SRPK2: variants seen among roughly 807,000 people sequenced by gnomAD.
SRPK2 encodes SFRS protein kinase 2.
Under a neutral mutation model 90.8 loss-of-function variants are expected in SRPK2, and 21 were observed. The observed-to-expected ratio is 0.23, with a 90% CI of 0.16 to 0.33. The LOEUF (loss-of-function observed/expected upper bound fraction) is 0.33. Ranked by LOEUF, SRPK2 falls within the 10% of genes least tolerant of loss-of-function variation. The pLI, the probability that SRPK2 is intolerant of heterozygous loss-of-function variation, is 1.00. For missense variants in SRPK2, 620 were observed against 869.0 expected (o/e 0.71, Z 3.60); for synonymous variants, 288 against 311.1 (o/e 0.93, Z 0.78).
At chr7:105,338,731 T>A (rs1034161341) in intron 2 of SRPK2, among the ~76,000 whole-genome samples, 16 of 152,252 alleles carry the variant, frequency 1.1e-4, no homozygotes, top group Admixed American at 1.0e-3. Flanking sequence ...AATAGGATGA[T>A]TTTCATTGTA....
intron 3 of SRPK2, among the ~76,000 whole-genome samples, chr7:105,187,757 T>A (rs1464375671): frequency 3.9e-5 from 6 of 152,132 alleles, no homozygotes; most frequent in Non-Finnish European, 8.8e-5. Context: ...AGTCTCATGG[T>A]GAATATGCGT....
intron 2 of SRPK2, among the ~76,000 whole-genome samples, chr7:105,291,676 G>C (rs1029351424): frequency 8.5e-5 from 13 of 152,170 alleles, no homozygotes; most frequent in Non-Finnish European, 1.6e-4. Flanking sequence ...GCTGCACTGA[G>C]CCAAGATGGC....
intron 13 of SRPK2, among the ~76,000 whole-genome samples, chr7:105,127,723 A>AAAC (rs71519198): frequency 2.9e-5 from 1 of 34,396 alleles, no homozygotes; most frequent in African/African-American, 8.7e-5. Context: ...CATGTAGGGA[A>AAAC]CACATTTCCC....
intron 2 of SRPK2, among the ~76,000 whole-genome samples, chr7:105,232,951 C>T (rs1039098502): frequency 2.6e-5 from 4 of 151,320 alleles, no homozygotes; most frequent in South Asian, 2.1e-4. Context: ...ACTTGGGAGG[C>T]GGAGGTTGTG....
chr7:105,299,133 C>T (rs551976168), intron 2 of SRPK2, among the ~76,000 whole-genome samples: 1 of 152,318 alleles, frequency 6.6e-6, no homozygotes, highest in East Asian at 1.9e-4. Context: ...TGAGAATGAG[C>T]CTCTGTTTCT....
chr7:105,260,771 A>G (rs566016482), intron 2 of SRPK2, among the ~76,000 whole-genome samples: 12 of 152,094 alleles, frequency 7.9e-5, no homozygotes, highest in African/African-American at 2.9e-4. Flanking sequence ...TTCTAAGCAA[A>G]CTATCACAAG....
intron 2 of SRPK2, among the ~76,000 whole-genome samples, chr7:105,339,063 A>C (rs1350988303): frequency 7.9e-5 from 12 of 152,218 alleles, no homozygotes; most frequent in Admixed American, 7.9e-4. Context: ...TAATTTTGAG[A>C]AAGTGTCTAT....
At chr7:105,395,299 G>A (rs1158909631) in intron 1 of SRPK2, among the ~76,000 whole-genome samples, 4 of 151,894 alleles carry the variant, frequency 2.6e-5, no homozygotes, top group Non-Finnish European at 5.9e-5. Flanking sequence ...AGACTAGCCT[G>A]GGGAACATAG....
Position 105,126,285 on chromosome 7 carries a change from T to C in SRPK2, c.1878A>G (p.Leu626=), listed in dbSNP as rs1050419. ...AGAATTCCCGAGAATATTTTCCAGA[T>C]AGAGCAAAGTGCCTTGGAATACTGC... ...LLGSIPRHFA[L]SGKYSREFFN... The change falls in exon 15 of 16, where the codon CTA becomes CTG. Residue 626 remains leucine (L), a synonymous_variant. Coordinates refer to ENST00000393651, the MANE Select transcript of SRPK2 (RefSeq NM_182692.3). 3.7e-4 allele frequency: 602 copies of C among 1,614,038 alleles called. 1 individual carries two copies. Among genetic ancestry groups the C allele is most frequent in the Middle Eastern group, 8.2e-4 (5 of 6,062 alleles).
chr7:105,319,504 C>CGGGGGGGGGGG (rs796955446), intron 2 of SRPK2, among the ~76,000 whole-genome samples: 2 of 5,304 alleles, frequency 3.8e-4, no homozygotes, highest in Non-Finnish European at 1.9e-3. Flanking sequence ...GCACTTGCGG[C>CGGGGGGGGGGG]GGGGGGGGGG....
chr7:105,140,615 AAATG>A (rs941385368), intron 11 of SRPK2, among the ~76,000 whole-genome samples: 2 of 151,910 alleles, frequency 1.3e-5, no homozygotes, highest in Non-Finnish European at 2.9e-5. Flanking sequence ...ATAAATAAAT[AAATG>A]AATGAATAAA....
At chr7:105,290,719 A>G (rs1254243443) in intron 2 of SRPK2, among the ~76,000 whole-genome samples, 1 of 152,120 alleles carries the variant, frequency 6.6e-6, no homozygotes, top group African/African-American at 2.4e-5. Context: ...ACTACCAGCT[A>G]TGAAATTTAG....
intron 3 of SRPK2, among the ~76,000 whole-genome samples, chr7:105,194,467 A>G (rs937029171): frequency 6.6e-6 from 1 of 152,326 alleles, no homozygotes; most frequent in Admixed American, 6.5e-5. Flanking sequence ...AGAGAAATTT[A>G]CACATGCACA....
chr7:105,371,738 C>T (rs919712133), intron 2 of SRPK2, among the ~76,000 whole-genome samples: 5 of 152,034 alleles, frequency 3.3e-5, no homozygotes, highest in Admixed American at 2.0e-4. Flanking sequence ...AAAAGAAATG[C>T]TATAATGCTA....
intron 3 of SRPK2, among the ~76,000 whole-genome samples, chr7:105,170,849 AAG>A (rs1790810939): frequency 6.4e-5 from 1 of 15,660 alleles, no homozygotes; most frequent in East Asian, 1.9e-3. Context: ...GAAAGAAAGA[AAG>A]AAAGAAAGAA....
At chr7:105,286,457 C>T (rs955498036) in intron 2 of SRPK2, among the ~76,000 whole-genome samples, 2 of 152,092 alleles carry the variant, frequency 1.3e-5, no homozygotes, top group African/African-American at 4.8e-5. Context: ...TATATTTGAC[C>T]GTAGTTTATG....
intron 2 of SRPK2, among the ~76,000 whole-genome samples, chr7:105,227,952 G>A (rs1426340970): frequency 1.4e-5 from 2 of 146,106 alleles, no homozygotes; most frequent in African/African-American, 2.5e-5. Flanking sequence ...TAATGGATCA[G>A]TAATCCAATT....
intron 2 of SRPK2, among the ~76,000 whole-genome samples, chr7:105,371,927 G>A (rs1819733180): frequency 6.6e-6 from 1 of 152,028 alleles, no homozygotes; most frequent in Non-Finnish European, 1.5e-5. Context: ...GAGGTCAGGA[G>A]ATCGAGACCA....
Position 105,146,626 on chromosome 7 carries a change from C to A in SRPK2, c.654G>T (p.Lys218Asn). The change falls in exon 8 of 16, where the codon AAG becomes AAT. Residue 218 changes from lysine to asparagine, a missense_variant. By Grantham distance (94) the Lys-to-Asn change is moderately conservative. Coordinates refer to ENST00000393651, the MANE Select transcript of SRPK2 (RefSeq NM_182692.3). Reference protein sequence around the residue: ...VLQGLDYLHSKCKIIHTDIKP... With the variant: ...VLQGLDYLHSNCKIIHTDIKP... ...TTATGTCAGTATGAATGATCTTGCA[C>A]TTACTGTGTAAGTAATCTAACCCTT... 1 of 1,614,204 alleles carries A rather than the reference C, an allele frequency of 6.2e-7. No homozygotes were observed. The highest frequency in any genetic ancestry group is 1.7e-5 in the Admixed American group (1 of 60,030).
Sources: gnomAD v4.1 joint callset for allele counts (sites outside exome capture counted in the v4.1 genomes callset) on GRCh38, gnomAD v4.1.1 for gene constraint, MANE v1.5 for transcripts, NCBI Gene and HGNC (gene_info 2026-07-23, HGNC 2026-07-21) for gene names.